Variants in MYOCD observed in about 807,000 individuals in gnomAD.
The protein encoded by MYOCD is myocardin.
Under a neutral mutation model 96.1 loss-of-function variants are expected in MYOCD, and 32 were observed. The observed-to-expected ratio is 0.33, with a 90% confidence interval of 0.25 to 0.45. The LOEUF (loss-of-function observed/expected upper bound fraction) is 0.45, where lower values mean the gene tolerates loss of function less well. Ranked by LOEUF, MYOCD falls within the 20% of genes least tolerant of loss-of-function variation. The pLI is 1.00. For synonymous variants in MYOCD, 469 were observed against 469.0 expected (o/e 1.00, Z 0.00); for missense variants, 1,133 against 1,200.6 (o/e 0.94, Z 0.83).
At chr17:12,713,591 A>G (rs191856016) in intron 2 of MYOCD, among the ~76,000 whole-genome samples, 19 of 152,314 alleles carry the variant, frequency 1.2e-4, no homozygotes, top group African/African-American at 3.4e-4. Context: ...AATATACAAT[A>G]CCTAACTAAA....
chr17:12,685,879 G>C (rs1360953552), intron 1 of MYOCD, among the ~76,000 whole-genome samples: 3 of 152,210 alleles, frequency 2.0e-5, no homozygotes, highest in Non-Finnish European at 4.4e-5. Context: ...AATACTATTT[G>C]AGAACTTGAA....
intron 1 of MYOCD, among the ~76,000 whole-genome samples, chr17:12,697,000 C>T (rs1199934708): frequency 6.6e-6 from 1 of 152,078 alleles, no homozygotes; most frequent in Non-Finnish European, 1.5e-5. Context: ...ATCGCTGTGT[C>T]TCCAAACAGG....
chr17:12,715,476 C>T (rs896347040), intron 2 of MYOCD, 43 bp from the exon 3 acceptor site: 4 of 1,583,458 alleles, frequency 2.5e-6, no homozygotes, highest in Non-Finnish European at 2.6e-6. Context: ...AGACCAATGC[C>T]CTTAACCCAG....
rs373772317 is a variant in MYOCD at position 12,752,811 on chromosome 17, C to G, written c.1523C>G (p.Ser508Cys). The change falls in exon 10 of 14, where the codon TCT (serine) becomes TGT (cysteine). Residue 508 changes from serine (S) to cysteine (C), a missense_variant. Coordinates refer to ENST00000425538, the MANE Select transcript of MYOCD (RefSeq NM_001146312.3). ...MSSLNGGSVP[S>C]ELDGLDSEKD... ...AGCCTGAATGGGGGCTCTGTTCCTTCTGAGCTGGATGGGCTGGACTCCGAG... is the reference window on the plus strand; with the variant it reads ...AGCCTGAATGGGGGCTCTGTTCCTTGTGAGCTGGATGGGCTGGACTCCGAG... 6.2e-7 allele frequency: 1 copy of G among 1,613,908 alleles called. No individual in the cohort carries two copies. The highest frequency in any genetic ancestry group is 1.7e-5 in the Admixed American group (1 of 59,986).
intron 2 of MYOCD, among the ~76,000 whole-genome samples, chr17:12,707,018 T>TC (rs1375828632): frequency 1.3e-5 from 2 of 152,154 alleles, no homozygotes; most frequent in African/African-American, 4.8e-5. Flanking sequence ...TGGAAAAGTG[T>TC]CCAAGTCACG....
At position 12,763,189 on chromosome 17, in the gene MYOCD, G is replaced by C; in HGVS notation, c.2506G>C (p.Ala836Pro). 6.2e-7 allele frequency: 1 copy of C among 1,614,138 alleles called. No homozygotes were observed. The highest frequency in any genetic ancestry group is 1.3e-5 in the African/African-American group (1 of 75,030). The change falls in exon 14 of 14, where the codon GCC becomes CCC. Residue 836 changes from alanine to proline, a missense_variant. Physicochemically the swap from Ala to Pro is conservative, Grantham distance 27. Coordinates refer to ENST00000425538, the MANE Select transcript of MYOCD (RefSeq NM_001146312.3). Reference protein sequence around the residue: ...LTKPSASFEQASSGSQIPFDP... With the variant: ...LTKPSASFEQPSSGSQIPFDP... ...CAAGCCCTCGGCTTCCTTTGAACAA[G>C]CCTCTTCAGGCAGCCAGATCCCCTT...
At chr17:12,668,727 G>A (rs1247257992) in intron 1 of MYOCD, among the ~76,000 whole-genome samples, 1 of 151,800 alleles carries the variant, frequency 6.6e-6, no homozygotes, top group Non-Finnish European at 1.5e-5. Flanking sequence ...CTGAGCGTTA[G>A]GTAAATTACA....
chr17:12,756,484 C>G lies in MYOCD; in HGVS notation c.2129C>G (p.Ser710Cys), dbSNP rs934257627. ...TCTTCCAGCCTCCACCCGCCCTTCTCTGGAGCCCAAGCAGACAGCAGTCAT... is the reference window on the plus strand; with the variant it reads ...TCTTCCAGCCTCCACCCGCCCTTCTGTGGAGCCCAAGCAGACAGCAGTCAT... Reference protein sequence around the residue: ...PHSSSLHPPFSGAQADSSHGA... With the variant: ...PHSSSLHPPFCGAQADSSHGA... The change falls in exon 11 of 14, where the codon TCT (serine) becomes TGT (cysteine). Residue 710 changes from serine to cysteine, a missense_variant. Coordinates refer to ENST00000425538, the MANE Select transcript of MYOCD (RefSeq NM_001146312.3). 2 of 1,551,858 alleles carry G rather than the reference C, an allele frequency of 1.3e-6. No individual in the cohort carries two copies. Among genetic ancestry groups the G allele is most frequent in the African/African-American group, 1.4e-5 (1 of 72,944 alleles).
At chr17:12,719,271 A>G (rs1219260076) in intron 4 of MYOCD, among the ~76,000 whole-genome samples, 1 of 150,606 alleles carries the variant, frequency 6.6e-6, no homozygotes, top group African/African-American at 2.4e-5. Context: ...CAAGAGTTAC[A>G]TGCGTTCCCA....
chr17:12,713,866 T>A (rs1487436840), intron 2 of MYOCD, among the ~76,000 whole-genome samples: 2 of 151,870 alleles, frequency 1.3e-5, no homozygotes, highest in Non-Finnish European at 2.9e-5. Flanking sequence ...AATCACTGAG[T>A]TGGGAGAAAT....
intron 7 of MYOCD, among the ~76,000 whole-genome samples, chr17:12,743,322 A>G (rs943704596): frequency 4.6e-5 from 7 of 152,092 alleles, no homozygotes; most frequent in Admixed American, 4.6e-4. Context: ...GAGGGTGTTC[A>G]GCAGGCAGAT....
chr17:12,745,768 C>T (rs375800647), intron 8 of MYOCD, 151 bp from the exon 9 acceptor site: 116 of 748,716 alleles, frequency 1.5e-4, no homozygotes, highest in East Asian at 1.2e-3. Context: ...TACCGTCTAG[C>T]CGGCAGTGTT....
chr17:12,698,112 C>A (rs1412815994), intron 1 of MYOCD, among the ~76,000 whole-genome samples: 2 of 151,992 alleles, frequency 1.3e-5, no homozygotes, highest in Non-Finnish European at 2.9e-5. Flanking sequence ...AAGGAGCCAC[C>A]GCAAGATGCT....
intron 1 of MYOCD, among the ~76,000 whole-genome samples, chr17:12,675,688 C>T (rs1909981620): frequency 6.6e-6 from 1 of 152,146 alleles, no homozygotes; most frequent in African/African-American, 2.4e-5. Flanking sequence ...GAAAACCCGT[C>T]CCTACTAAAA....
chr17:12,676,786 A>G (rs74505408), intron 1 of MYOCD, among the ~76,000 whole-genome samples: 3 of 152,226 alleles, frequency 2.0e-5, no homozygotes, highest in Admixed American at 1.3e-4. Context: ...TATATGTGGT[A>G]TAGGTATGCC....
chr17:12,755,112 G>A (rs2032974245), intron 10 of MYOCD, among the ~76,000 whole-genome samples: 1 of 152,186 alleles, frequency 6.6e-6, no homozygotes, highest in Non-Finnish European at 1.5e-5. Context: ...GGCACTGTGG[G>A]AGAAATTAGG....
intron 1 of MYOCD, chr17:12,672,306 T>G (rs1029921230): frequency 1.6e-4 from 25 of 152,200 alleles, no homozygotes; most frequent in African/African-American, 6.0e-4. Flanking sequence ...GTTAAAAGTT[T>G]TCGATGAACA....
In MYOCD at chr17:12,756,633, T is replaced by G; in HGVS notation, c.2202+76T>G. 2.8e-6 allele frequency: 4 copies of G among 1,408,456 alleles called. No individual in the cohort carries two copies. The South Asian group carries it at 5.4e-5, about 19-fold the overall frequency. The allele number at this position is 1,408,456 out of a possible 1,614,324, so 87.2% of individuals were successfully genotyped here. On this transcript the variant is annotated intron_variant, in intron 11 of 13. Transcript: ENST00000425538. Reference sequence around the variant, plus strand: ...TCTTCTGTAACCCGGGAGGCAGAAGTTGCAGTGAGCCGAGATCGCACCACT... The same window carrying G: ...TCTTCTGTAACCCGGGAGGCAGAAGGTGCAGTGAGCCGAGATCGCACCACT...
At position 12,753,134 on chromosome 17, in the gene MYOCD, G is replaced by A. The variant is rs777004853; in HGVS notation, c.1846G>A (p.Glu616Lys). 56 of 1,614,030 alleles carry A rather than the reference G, an allele frequency of 3.5e-5. No homozygotes were observed. In the Admixed American group the frequency reaches 3.7e-4, roughly 11 times the overall value. ...LQPLGNAHCV[E>K]SSDQTNVLSS... ...GCCTCTTGGAAATGCTCATTGTGTG[G>A]AGTCCTCAGATCAAACCAATGTACT... Residue 616 changes from glutamate to lysine, a missense_variant, in exon 10 of 14, where the codon GAG becomes AAG. Transcript: ENST00000425538.
Sources: allele counts gnomAD v4.1 joint callset (sites outside exome capture counted in the v4.1 genomes callset), GRCh38; gene constraint gnomAD v4.1.1; transcripts MANE v1.5; gene names NCBI Gene and HGNC (gene_info 2026-07-23, HGNC 2026-07-21).